SPOCK1: variants seen among roughly 807,000 people sequenced by gnomAD.
SPOCK1 encodes SPARC (osteonectin), cwcv and kazal like domains proteoglycan 1.
A neutral mutation model predicts 55.3 loss-of-function variants in SPOCK1; 23 were observed. The ratio of observed to expected loss-of-function variants is 0.42; its 90% CI spans 0.30 to 0.59. The LOEUF (loss-of-function observed/expected upper bound fraction) is 0.59. Among genes scored for constraint, SPOCK1 ranks in the 20% least tolerant of loss-of-function variants. The probability of loss-of-function intolerance (pLI) is 0.22; values close to 1 mark genes in which losing one functional copy is unlikely to be tolerated. For missense variants in SPOCK1, 499 were observed against 552.5 expected, an observed-to-expected ratio of 0.90 and a Z score of 0.97; for synonymous variants, 226 against 221.0, an observed-to-expected ratio of 1.02 and a Z score of -0.20.
chr5:137,266,953 G>A, intron 3 of SPOCK1, 57 bp downstream of exon 3: 1 of 1,508,850 alleles, frequency 6.6e-7, no homozygotes, highest in East Asian at 2.3e-5. Context: ...TGCAAGGAAG[G>A]AAAAATGAGA....
Position 137,455,295 on chromosome 5 carries a change from G to A in SPOCK1, c.186+43078C>T, listed in dbSNP as rs116855208. The stretch of plus-strand genomic sequence containing the variant: ...AAAGTTATCTGAGGCCAGAAAAGGT[G>A]GAGGGACTTGCCCGGAGTCCCACAG... On this transcript the variant is annotated intron_variant, in intron 2 of 10. Transcript: ENST00000394945. Among the ~76,000 whole-genome samples, 4 of 152,316 alleles carry A rather than the reference G, an allele frequency of 2.6e-5. No individual in the cohort carries two copies. In the East Asian group the frequency reaches 7.7e-4, roughly 29 times the overall value.
At chr5:137,109,007 C>T (rs1033953545) in intron 5 of SPOCK1, among the ~76,000 whole-genome samples, 8 of 152,214 alleles carry the variant, frequency 5.3e-5, no homozygotes, top group Non-Finnish European at 1.2e-4. Flanking sequence ...TGACAGGTTA[C>T]CACTGCTCTT....
At chr5:137,350,650 G>C (rs1204426085) in intron 2 of SPOCK1, among the ~76,000 whole-genome samples, 2 of 152,114 alleles carry the variant, frequency 1.3e-5, no homozygotes, top group Admixed American at 1.3e-4. Flanking sequence ...GCAGGGCTGA[G>C]GGCAGGACTC....
At chr5:137,406,333 G>C (rs949467725) in intron 2 of SPOCK1, among the ~76,000 whole-genome samples, 1 of 152,202 alleles carries the variant, frequency 6.6e-6, no homozygotes, top group Non-Finnish European at 1.5e-5. Context: ...GTGTATCAAT[G>C]AGCAAGGACT....
intron 3 of SPOCK1, among the ~76,000 whole-genome samples, chr5:137,161,414 C>T: frequency 6.6e-6 from 1 of 151,980 alleles, no homozygotes; most frequent in Non-Finnish European, 1.5e-5. Flanking sequence ...AGCCTCTAAA[C>T]TCTCTCTCCA....
chr5:136,996,710 T>C (rs1380701779), intron 6 of SPOCK1, among the ~76,000 whole-genome samples: 4 of 152,058 alleles, frequency 2.6e-5, no homozygotes, highest in Non-Finnish European at 5.9e-5. Flanking sequence ...CAATCAGCAC[T>C]CTGTAGCTAG....
At chr5:137,213,884 A>C (rs1352653230) in intron 3 of SPOCK1, among the ~76,000 whole-genome samples, 1 of 152,116 alleles carries the variant, frequency 6.6e-6, no homozygotes, top group Non-Finnish European at 1.5e-5. Flanking sequence ...AATTCATTGT[A>C]CTCTTGAAGC....
intron 3 of SPOCK1, among the ~76,000 whole-genome samples, chr5:137,224,749 A>C (rs542150741): frequency 6.6e-6 from 1 of 152,322 alleles, no homozygotes; most frequent in South Asian, 2.1e-4. Context: ...AATAACAAGA[A>C]GAAACTCCCC....
intron 2 of SPOCK1, among the ~76,000 whole-genome samples, chr5:137,308,397 G>T (rs959135484): frequency 1.3e-5 from 2 of 152,226 alleles, no homozygotes; most frequent in African/African-American, 4.8e-5. Flanking sequence ...AGGCAGCTTT[G>T]TCCAGTGGGA....
chr5:137,249,813 T>C (rs887201150), intron 3 of SPOCK1, among the ~76,000 whole-genome samples: 11 of 152,176 alleles, frequency 7.2e-5, no homozygotes, highest in Admixed American at 2.0e-4. Flanking sequence ...CTTGAAAAAT[T>C]TGACAATCTT....
chr5:137,294,564 T>C (rs1215309221), intron 2 of SPOCK1, among the ~76,000 whole-genome samples: 1 of 152,216 alleles, frequency 6.6e-6, no homozygotes, highest in East Asian at 1.9e-4. Flanking sequence ...GCCGTGGAAG[T>C]TGTCACCTCC....
chr5:137,410,185 A>C (rs980367082), intron 2 of SPOCK1, among the ~76,000 whole-genome samples: 1 of 152,222 alleles, frequency 6.6e-6, no homozygotes, highest in Non-Finnish European at 1.5e-5. Context: ...TGCTCCTGAT[A>C]TTCGGCATTC....
chr5:137,434,083 C>A (rs1342106847), intron 2 of SPOCK1, among the ~76,000 whole-genome samples: 1 of 152,206 alleles, frequency 6.6e-6, no homozygotes, highest in East Asian at 1.9e-4. Context: ...ATTGAGGCTA[C>A]AGATGCCATG....
intron 2 of SPOCK1, among the ~76,000 whole-genome samples, chr5:137,448,163 G>A (rs765744576): frequency 3.9e-5 from 6 of 152,162 alleles, no homozygotes; most frequent in Non-Finnish European, 8.8e-5. Context: ...CAGGAGAATC[G>A]CTTGAACCCT....
At chr5:137,252,079 C>A (rs1316021327) in intron 3 of SPOCK1, among the ~76,000 whole-genome samples, 1 of 152,164 alleles carries the variant, frequency 6.6e-6, no homozygotes, top group South Asian at 2.1e-4. Context: ...GCACCTGCCA[C>A]CATGTCCAAC....
chr5:137,377,041 G>A (rs1751333563), intron 2 of SPOCK1, among the ~76,000 whole-genome samples: 1 of 152,200 alleles, frequency 6.6e-6, no homozygotes, highest in Non-Finnish European at 1.5e-5. Context: ...CTCCACAAAA[G>A]AGTAAACATT....
At chr5:136,980,378 AC>A (rs1370240438) in intron 9 of SPOCK1, among the ~76,000 whole-genome samples, 4 of 152,212 alleles carry the variant, frequency 2.6e-5, no homozygotes, top group African/African-American at 9.6e-5. Context: ...GCACAAATTT[AC>A]AAGTATGTTA....
intron 2 of SPOCK1, among the ~76,000 whole-genome samples, chr5:137,335,877 G>A (rs979315442): frequency 2.0e-5 from 3 of 152,184 alleles, no homozygotes; most frequent in Middle Eastern, 3.2e-3. Flanking sequence ...TGAGCCCTGC[G>A]GTGCCCATCG....
chr5:137,446,960 C>T (rs1194354619), intron 2 of SPOCK1, among the ~76,000 whole-genome samples: 1 of 152,162 alleles, frequency 6.6e-6, no homozygotes, highest in East Asian at 1.9e-4. Context: ...AACTTCCATC[C>T]ATGTTGTAAC....
Sources: allele counts gnomAD v4.1 joint callset (sites outside exome capture counted in the v4.1 genomes callset), GRCh38; gene constraint gnomAD v4.1.1; transcripts MANE v1.5; gene names NCBI Gene and HGNC (gene_info 2026-07-23, HGNC 2026-07-21).